HPSE2: variants seen among roughly 807,000 people sequenced by gnomAD.
HPSE2 encodes inactive heparanase-2.
HPSE2 carries 38 observed loss-of-function variants against 60.5 expected under a neutral mutation model. The observed-to-expected ratio is 0.63, with a 90% CI of 0.48 to 0.82. The LOEUF (loss-of-function observed/expected upper bound fraction) is 0.82, where lower values mean the gene tolerates loss of function less well. Ranked by LOEUF, HPSE2 falls within the 40% of genes least tolerant of loss-of-function variation. The pLI, the probability that HPSE2 is intolerant of heterozygous loss-of-function variation, is 0.00. For synonymous variants in HPSE2, 295 were observed against 293.2 expected, an observed-to-expected ratio of 1.01 and a Z score of -0.06; for missense variants, 713 against 740.4, an observed-to-expected ratio of 0.96 and a Z score of 0.43.
intron 3 of HPSE2, among the ~76,000 whole-genome samples, chr10:98,977,098 T>C (rs1300070470): frequency 6.6e-6 from 1 of 152,168 alleles, no homozygotes; most frequent in African/African-American, 2.4e-5. Flanking sequence ...CCTCCAGAAC[T>C]GTGAGAGAGT....
At chr10:98,649,377 A>C (rs1371843885) in intron 6 of HPSE2, among the ~76,000 whole-genome samples, 1 of 152,218 alleles carries the variant, frequency 6.6e-6, no homozygotes, top group Non-Finnish European at 1.5e-5. Flanking sequence ...TCTATTTTGC[A>C]GATTAGAAAC....
chr10:99,136,644 T>C (rs1315726903), intron 3 of HPSE2, among the ~76,000 whole-genome samples: 1 of 152,106 alleles, frequency 6.6e-6, no homozygotes, highest in East Asian at 1.9e-4. Context: ...AAAAACCACA[T>C]GATTATCTCA....
intron 3 of HPSE2, among the ~76,000 whole-genome samples, chr10:98,915,618 C>G (rs1282179969): frequency 6.6e-6 from 1 of 152,132 alleles, no homozygotes; most frequent in Admixed American, 6.5e-5. Context: ...AACAACATAA[C>G]CAAAAGCCTA....
Position 99,126,120 on chromosome 10 carries a change from G to A in HPSE2, c.610+18118C>T, listed in dbSNP as rs1018291181. Among the ~76,000 whole-genome samples, 7 of 152,118 alleles carry A rather than the reference G, an allele frequency of 4.6e-5. No individual in the cohort carries two copies. In the East Asian group the frequency reaches 7.7e-4, roughly 17 times the overall value. ...CGACCTGGTGCAAGGTCTGAGTGAGGCACTGCAGGAACAAGACCAGCCTTA... is the reference window on the plus strand; with the variant it reads ...CGACCTGGTGCAAGGTCTGAGTGAGACACTGCAGGAACAAGACCAGCCTTA... On this transcript the variant is annotated intron_variant, in intron 3 of 11. Transcript: ENST00000370552. This position sits in a 1 kb window ranked among gnomAD's most constrained non-coding sequence, Gnocchi z 4.0.
chr10:98,641,936 A>G lies in HPSE2; in HGVS notation c.1009T>C (p.Tyr337His). 6.2e-7 allele frequency: 1 copy of G among 1,611,442 alleles called. No individual in the cohort carries two copies. The change falls in exon 7 of 12, where the codon TAC becomes CAC. Residue 337 changes from tyrosine to histidine, a missense_variant. Physicochemically the swap from Tyr to His is moderately conservative, Grantham distance 83 (BLOSUM62 2). Transcript: ENST00000370552. The stretch of plus-strand genomic sequence containing the variant: ...ACCTTGACCACCCGGCCATCAATGT[A>G]GCAACTGGAATAAAAATAAAATAAG... ...TVDAVTWQHC[Y>H]IDGRVVKVMD...
At chr10:98,526,121 A>G (rs151208082) in intron 9 of HPSE2, among the ~76,000 whole-genome samples, 4 of 152,294 alleles carry the variant, frequency 2.6e-5, no homozygotes, top group African/African-American at 7.2e-5. Context: ...CTAGCCTGCT[A>G]GTATGTAGAT....
intron 10 of HPSE2, among the ~76,000 whole-genome samples, chr10:98,489,573 C>T (rs1031376495): frequency 1.3e-5 from 2 of 152,148 alleles, no homozygotes; most frequent in Non-Finnish European, 1.5e-5. Context: ...TTCTGGGGAC[C>T]CCCAGCTTGA....
intron 3 of HPSE2, among the ~76,000 whole-genome samples, chr10:99,014,594 C>A (rs192189933): frequency 8.0e-4 from 122 of 152,322 alleles, no homozygotes; most frequent in African/African-American, 2.9e-3. Flanking sequence ...GTTCCGTTTT[C>A]TCCACAACCT....
intron 3 of HPSE2, among the ~76,000 whole-genome samples, chr10:99,078,425 C>T (rs1843018882): frequency 6.6e-6 from 1 of 152,102 alleles, no homozygotes; most frequent in Admixed American, 6.5e-5. Context: ...TACTTTAAAT[C>T]ATCTCTAGAT....
intron 3 of HPSE2, among the ~76,000 whole-genome samples, chr10:98,750,106 A>G (rs1468172724): frequency 6.6e-6 from 1 of 151,918 alleles, no homozygotes; most frequent in Non-Finnish European, 1.5e-5. Context: ...TTAAATAAGC[A>G]TCACAATTAA....
At chr10:99,124,684 C>T (rs1305381276) in intron 3 of HPSE2, among the ~76,000 whole-genome samples, 1 of 152,260 alleles carries the variant, frequency 6.6e-6, no homozygotes, top group Non-Finnish European at 1.5e-5. Context: ...GTGCAGGCAC[C>T]AGAAGCATGG....
intron 2 of HPSE2, 41 bp from the exon 3 acceptor site, chr10:99,144,440 AC>A: frequency 6.2e-7 from 1 of 1,605,600 alleles, no homozygotes; most frequent in African/African-American, 1.3e-5. Context: ...AAAAACTAAA[AC>A]AAAACAAAAA....
chr10:99,212,439 TG>T (rs1848983111), intron 2 of HPSE2, among the ~76,000 whole-genome samples: 1 of 151,912 alleles, frequency 6.6e-6, no homozygotes. Context: ...ATAAAGAAAA[TG>T]TGGTATATAT....
intron 4 of HPSE2, among the ~76,000 whole-genome samples, chr10:98,742,020 G>A (rs1242029491): frequency 1.3e-5 from 2 of 152,094 alleles, no homozygotes; most frequent in African/African-American, 4.8e-5. Context: ...GATGGAAAGG[G>A]ATCAGTAAAA....
Position 98,743,986 on chromosome 10 carries a change from T to A in HPSE2, c.681A>T (p.Ala227=), listed in dbSNP as rs1253199881. Residue 227 remains alanine, a synonymous_variant, in exon 4 of 12, where the codon GCA becomes GCT. Transcript: ENST00000370552. ...SGLHLIFALN[A]LRRNPNNSWN... is the part of the protein sequence containing the mutation. ...AGGAGTTATTGGGATTACGACGCAG[T>A]GCATTTAGAGCAAATATCAGGTGGA... The A allele has an allele frequency of 1.2e-6, 2 of 1,614,032 alleles. No homozygotes were observed. Among genetic ancestry groups the A allele is most frequent in the Admixed American group, 3.3e-5 (2 of 60,004 alleles).
the HPSE2 span, among the ~76,000 whole-genome samples, chr10:99,279,638 C>G: frequency 6.6e-6 from 1 of 152,192 alleles, no homozygotes; most frequent in African/African-American, 2.4e-5. Context: ...ATATGAATGC[C>G]TAGTGTACAT....
At chr10:98,803,159 G>A (rs1427059095) in intron 3 of HPSE2, among the ~76,000 whole-genome samples, 8 of 151,400 alleles carry the variant, frequency 5.3e-5, no homozygotes, top group Non-Finnish European at 1.2e-4. Context: ...CCCACTTTTT[G>A]ATGGCGTTGT....
At chr10:99,217,073 G>A (rs1346198550) in intron 2 of HPSE2, among the ~76,000 whole-genome samples, 3 of 151,800 alleles carry the variant, frequency 2.0e-5, no homozygotes, top group South Asian at 2.1e-4. Context: ...TATATAATCA[G>A]CCTGTGATCC....
At chr10:98,733,125 G>T (rs899995183) in intron 4 of HPSE2, among the ~76,000 whole-genome samples, 24 of 152,034 alleles carry the variant, frequency 1.6e-4, no homozygotes, top group African/African-American at 5.8e-4. Flanking sequence ...TTACTATTGT[G>T]TGTGTATGTG....
Sources: gnomAD v4.1 joint callset for allele counts (sites outside exome capture counted in the v4.1 genomes callset) on GRCh38, gnomAD v4.1.1 for gene constraint, Gnocchi (gnomAD v3.1) non-coding constraint, MANE v1.5 for transcripts, NCBI Gene and HGNC (gene_info 2026-07-23, HGNC 2026-07-21) for gene names.